TRIM71: variants seen among roughly 807,000 people sequenced by gnomAD.
TRIM71 encodes E3 ubiquitin-protein ligase TRIM71.
In TRIM71, 9 loss-of-function variants were observed where a neutral mutation model predicts 61.2. The observed-to-expected ratio is 0.15, with a 90% CI of 0.09 to 0.26. The LOEUF (loss-of-function observed/expected upper bound fraction) is 0.26. Among genes scored for constraint, TRIM71 ranks in the 10% least tolerant of loss-of-function variants. TRIM71 has a pLI of 1.00. For missense variants in TRIM71, 998 were observed against 1,238.7 expected (o/e 0.81, Z 2.92); for synonymous variants, 645 against 553.2 (o/e 1.17, Z -2.33).
At chr3:32,855,518 C>G (rs571371738) in intron 1 of TRIM71, among the ~76,000 whole-genome samples, 1 of 151,950 alleles carries the variant, frequency 6.6e-6, no homozygotes, top group South Asian at 2.1e-4. Context: ...TGTCTCTGAC[C>G]TGTCTCTAGC....
At chr3:32,860,407 C>G (rs1469586251) in intron 1 of TRIM71, among the ~76,000 whole-genome samples, 1 of 152,028 alleles carries the variant, frequency 6.6e-6, no homozygotes, top group Non-Finnish European at 1.5e-5. Context: ...CCACCTGCCT[C>G]GGACTCCCAA....
rs114044003 is a variant in TRIM71, at chr3:32,819,610, A to G, written c.852+678A>G. Among the ~76,000 whole-genome samples, 1,353 of 151,994 alleles carry G rather than the reference A, an allele frequency of 8.9e-3. 28 individuals are homozygous for G. The highest frequency in any genetic ancestry group is 0.031 in the African/African-American group (1,279 of 41,440). The stretch of plus-strand genomic sequence containing the variant: ...TTCTCTCTCTGCGGCTGCTTCCTAT[A>G]TTGTTTAAAATGCGTGTTCTGGCCC... On this transcript the variant is annotated intron_variant, in intron 1 of 3. Transcript: ENST00000383763.
chr3:32,840,628 C>G (rs1696393319), intron 1 of TRIM71, among the ~76,000 whole-genome samples: 1 of 152,098 alleles, frequency 6.6e-6, no homozygotes, highest in South Asian at 2.1e-4. Context: ...TCCTTAGGGC[C>G]CCTTGCTGGG....
In TRIM71 at chr3:32,895,909, A is replaced by G. The variant is rs1697072849; in HGVS notation, c.*4098A>G. 1 of 152,576 alleles carries G rather than the reference A, an allele frequency of 6.6e-6. No individual in the cohort carries two copies. The highest frequency in any genetic ancestry group is 1.5e-5 in the Non-Finnish European group (1 of 68,010). 9.5% of individuals were successfully genotyped at this position (152,576 alleles called of 1,614,324 possible). ...ATTAATCCAGTGGGCAGTGGGTGGG[A>G]GTGGGAAGCTACCTCTAAAAGAAAT... is the stretch of plus-strand genomic sequence containing the variant. On this transcript the variant is annotated 3_prime_UTR_variant, in exon 4 of 4. Transcript: ENST00000383763.
chr3:32,896,257 A>C lies in TRIM71; in HGVS notation c.*4446A>C, dbSNP rs542192225. ...AAGGTCTAGATCTTGGAAACATCAA[A>C]TATTTGAAGGGAATGAGAATCCTCT... On this transcript the variant is annotated 3_prime_UTR_variant, in exon 4 of 4. Coordinates refer to ENST00000383763, the MANE Select transcript of TRIM71 (RefSeq NM_001039111.3). 1 of 152,264 alleles carries C rather than the reference A, an allele frequency of 6.6e-6. No individual in the cohort carries two copies. Among genetic ancestry groups the C allele is most frequent in the South Asian group, 2.1e-4 (1 of 4,830 alleles). The allele number at this position is 152,264 out of a possible 1,614,324, so 9.4% of individuals were successfully genotyped here. A position where few individuals can be genotyped will look rare whatever the true frequency, so the allele number is the denominator to read the frequency against.
Position 32,890,377 on chromosome 3 carries a change from G to A in TRIM71, c.1173G>A (p.Gln391=). The change falls in exon 4 of 4, where the codon CAG becomes CAA. Residue 391 remains glutamine (Q), a synonymous_variant. Transcript: ENST00000383763. The surrounding 1 kb of genome is among the most constrained non-coding windows in gnomAD (Gnocchi z 6.2). ...CCCTCCAGGTAGAAAAGATCCGCCAGGTGAAAGCCAAGTCTCTGTACCTGC... is the reference window on the plus strand; with the variant it reads ...CCCTCCAGGTAGAAAAGATCCGCCAAGTGAAAGCCAAGTCTCTGTACCTGC... The part of the protein sequence containing the change: ...ELLWKVEKIR[Q]VKAKSLYLQV... 1.2e-6 allele frequency: 2 copies of A among 1,609,444 alleles called. No individual in the cohort carries two copies. Among genetic ancestry groups the A allele is most frequent in the Non-Finnish European group, 1.7e-6 (2 of 1,176,048 alleles).
Position 32,886,045 on chromosome 3 carries a change from C to T in TRIM71, c.1132C>T (p.Arg378Cys). 1 of 1,613,848 alleles carries T rather than the reference C, an allele frequency of 6.2e-7. No individual in the cohort carries two copies. Among genetic ancestry groups the T allele is most frequent in the Non-Finnish European group, 8.5e-7 (1 of 1,179,892 alleles). Residue 378 changes from arginine to cysteine, a missense_variant, in exon 3 of 4, where the codon CGC becomes TGC. Around this residue, in one of 5 missense-constraint regions of TRIM71, gnomAD observed 291 missense variants for 431.2 expected, o/e 0.67. Transcript: ENST00000383763. The stretch of plus-strand genomic sequence containing the variant: ...GAGGCATAAGAAAGCCCTGGAGGAA[C>T]GCGAGTGTGAGCTGCTGTGGAAGGT... ...TARHKKALEE[R>C]ECELLWKVEK...
chr3:32,856,426 T>C (rs1696605742), intron 1 of TRIM71, among the ~76,000 whole-genome samples: 1 of 152,000 alleles, frequency 6.6e-6, no homozygotes, highest in African/African-American at 2.4e-5. Flanking sequence ...TGAGATTACA[T>C]CTCAGCTGGC....
chr3:32,887,749 T>A (rs927073946), intron 3 of TRIM71, among the ~76,000 whole-genome samples: 2 of 151,888 alleles, frequency 1.3e-5, no homozygotes, highest in African/African-American at 4.8e-5. Context: ...AAGGTGGAGG[T>A]TTGGCCTAAT....
At chr3:32,844,400 T>G (rs531911911) in intron 1 of TRIM71, among the ~76,000 whole-genome samples, 2 of 152,296 alleles carry the variant, frequency 1.3e-5, no homozygotes, top group Admixed American at 1.3e-4. Context: ...AACTTCACTT[T>G]TATTCCCTTT....
At chr3:32,888,284 C>G (rs1696982057) in intron 3 of TRIM71, among the ~76,000 whole-genome samples, 1 of 151,912 alleles carries the variant, frequency 6.6e-6, no homozygotes, top group African/African-American at 2.4e-5. Flanking sequence ...GTTTTTAAAA[C>G]CATTCTTAAA....
At chr3:32,856,394 TCTC>T (rs1007253575) in intron 1 of TRIM71, among the ~76,000 whole-genome samples, 1 of 152,038 alleles carries the variant, frequency 6.6e-6, no homozygotes, top group Non-Finnish European at 1.5e-5. Context: ...AGACTTGACT[TCTC>T]CTCCTCCAGG....
intron 1 of TRIM71, among the ~76,000 whole-genome samples, chr3:32,828,997 ATT>A (rs747345127): frequency 3.6e-5 from 5 of 138,658 alleles, no homozygotes; most frequent in Non-Finnish European, 3.1e-5. Flanking sequence ...GAAAGCACTA[ATT>A]TTTTTTTTTT....
chr3:32,835,014 T>C (rs548564293), intron 1 of TRIM71, among the ~76,000 whole-genome samples: 1 of 152,314 alleles, frequency 6.6e-6, no homozygotes, highest in South Asian at 2.1e-4. Context: ...TGTTTGCCTG[T>C]TGAGATGTAA....
chr3:32,861,086 A>G (rs1443130144), intron 1 of TRIM71, among the ~76,000 whole-genome samples: 2 of 151,440 alleles, frequency 1.3e-5, no homozygotes, highest in Non-Finnish European at 2.9e-5. Context: ...GAGGCAGGAG[A>G]ATCGCTTGAT....
chr3:32,824,856 G>T (rs1477756445), intron 1 of TRIM71, among the ~76,000 whole-genome samples: 1 of 151,954 alleles, frequency 6.6e-6, no homozygotes, highest in African/African-American at 2.4e-5. Context: ...GTTCAGTGGC[G>T]CGATCTTGGC....
At chr3:32,873,052 CTT>C (rs1274140322) in intron 1 of TRIM71, among the ~76,000 whole-genome samples, 1 of 144,838 alleles carries the variant, frequency 6.9e-6, no homozygotes, top group Non-Finnish European at 1.5e-5. Flanking sequence ...TGTGCCAGCC[CTT>C]CTCTCTCTTC....
intron 1 of TRIM71, among the ~76,000 whole-genome samples, chr3:32,861,212 C>T (rs893085245): frequency 6.6e-6 from 1 of 150,916 alleles, no homozygotes; most frequent in African/African-American, 2.4e-5. Flanking sequence ...GATGGAGTCT[C>T]TGTTGCCCAG....
At chr3:32,821,760 G>C (rs1696136820) in intron 1 of TRIM71, among the ~76,000 whole-genome samples, 1 of 151,608 alleles carries the variant, frequency 6.6e-6, no homozygotes, top group Non-Finnish European at 1.5e-5. Context: ...GCTGGCCGCG[G>C]GCCCGCTGCG....
Sources: gnomAD v4.1 joint callset for allele counts (sites outside exome capture counted in the v4.1 genomes callset) on GRCh38, gnomAD v4.1.1 for gene constraint, gnomAD v4.1.1 regional missense constraint, Gnocchi (gnomAD v3.1) non-coding constraint, MANE v1.5 for transcripts, NCBI Gene and HGNC (gene_info 2026-07-23, HGNC 2026-07-21) for gene names.